The following MINDY3 variants were observed in gnomAD, a reference collection of about 807,000 sequenced individuals.
The protein encoded by MINDY3 is MINDY lysine 48 deubiquitinase 3, also known as ubiquitin carboxyl-terminal hydrolase MINDY-3.
Under a neutral mutation model 69.2 loss-of-function variants are expected in MINDY3, and 38 were observed. That is an observed-to-expected ratio of 0.55 (90% confidence interval 0.42 to 0.72). The LOEUF is 0.72. MINDY3 is among the 30% of genes least tolerant of loss of function. The pLI is 0.00. For missense variants in MINDY3, 522 were observed against 519.0 expected (o/e 1.01, Z -0.06); for synonymous variants, 192 against 180.1 (o/e 1.07, Z -0.53).
chr10:15,834,133 A>G (rs754052595), intron 7 of MINDY3, among the ~76,000 whole-genome samples: 4 of 152,028 alleles, frequency 2.6e-5, no homozygotes, highest in Non-Finnish European at 5.9e-5. Flanking sequence ...TCACTGTTTC[A>G]TTGAGTTTTG....
intron 5 of MINDY3, chr10:15,837,519 T>C: frequency 6.2e-6 from 9 of 1,445,314 alleles, no homozygotes; most frequent in Non-Finnish European, 8.4e-6. Flanking sequence ...ATATGATATT[T>C]ATCATTAAGA....
intron 4 of MINDY3, 137 bp downstream of exon 4, chr10:15,841,288 AG>A (rs1429359026): frequency 1.5e-6 from 1 of 650,252 alleles, no homozygotes; most frequent in Non-Finnish European, 2.5e-6. Context: ...AAAAATAGTG[AG>A]GCTCAGTAAT....
intron 10 of MINDY3, among the ~76,000 whole-genome samples, chr10:15,816,278 A>T (rs1839357733): frequency 7.1e-6 from 1 of 141,174 alleles, no homozygotes; most frequent in East Asian, 1.9e-4. Context: ...AAAAAAAAAA[A>T]AATGAAAAAG....
intron 7 of MINDY3, among the ~76,000 whole-genome samples, chr10:15,834,154 C>A (rs779042012): frequency 6.6e-6 from 1 of 151,556 alleles, no homozygotes; most frequent in African/African-American, 2.4e-5. Flanking sequence ...GTAAAAATAG[C>A]CATAAAAAGC....
Position 15,778,932 on chromosome 10 carries a change from G to A in MINDY3, c.*60C>T. ...TTTAGCTTAATCCAGCCAATTGCCAGTCTTGACTCCTTCTTTCAACATCTG... is the reference window on the plus strand; with the variant it reads ...TTTAGCTTAATCCAGCCAATTGCCAATCTTGACTCCTTCTTTCAACATCTG... On this transcript the variant is annotated 3_prime_UTR_variant, in exon 15 of 15. Transcript: ENST00000277632. 1 of 1,505,624 alleles carries A rather than the reference G, an allele frequency of 6.6e-7. No homozygotes were observed. Among genetic ancestry groups the A allele is most frequent in the East Asian group, 2.4e-5 (1 of 42,446 alleles). The allele number at this position is 1,505,624 out of a possible 1,614,324, so 93.3% of individuals were successfully genotyped here. A position where few individuals can be genotyped will look rare whatever the true frequency, so the allele number is the denominator to read the frequency against.
chr10:15,786,537 A>C, intron 13 of MINDY3, 24 bp downstream of exon 13: 1 of 1,296,702 alleles, frequency 7.7e-7, no homozygotes, highest in South Asian at 1.2e-5. Context: ...AATAACAATG[A>C]ATATATTTCC....
intron 1 of MINDY3, among the ~76,000 whole-genome samples, chr10:15,850,494 G>A (rs1834204588): frequency 6.6e-6 from 1 of 152,080 alleles, no homozygotes; most frequent in Non-Finnish European, 1.5e-5. Flanking sequence ...TCTCAGGGGG[G>A]AGGTCTCTAA....
At chr10:15,782,656 T>C (rs1274804852) in intron 13 of MINDY3, among the ~76,000 whole-genome samples, 2 of 152,184 alleles carry the variant, frequency 1.3e-5, no homozygotes, top group Admixed American at 1.3e-4. Context: ...GTACCAATAC[T>C]TCCAATTTGG....
chr10:15,834,514 T>C, intron 7 of MINDY3, 29 bp downstream of exon 7: 2 of 1,510,928 alleles, frequency 1.3e-6, no homozygotes, highest in South Asian at 1.2e-5. Context: ...GGAGTTCACA[T>C]GAGGAGACAA....
chr10:15,827,091 T>C (rs1840131731), intron 8 of MINDY3, among the ~76,000 whole-genome samples: 1 of 145,462 alleles, frequency 6.9e-6, no homozygotes, highest in African/African-American at 2.6e-5. Flanking sequence ...CACTATGGCC[T>C]GGGTGACAGA....
chr10:15,821,459 T>C (rs1039984640), intron 9 of MINDY3, among the ~76,000 whole-genome samples, 197 bp downstream of exon 9: 1 of 152,136 alleles, frequency 6.6e-6, no homozygotes, highest in African/African-American at 2.4e-5. Flanking sequence ...AGACCTAGCA[T>C]AGGAAACTCA....
intron 14 of MINDY3, among the ~76,000 whole-genome samples, chr10:15,780,936 T>G (rs1033978596): frequency 6.6e-6 from 1 of 152,038 alleles, no homozygotes; most frequent in Non-Finnish European, 1.5e-5. Context: ...CCTGGGTGAG[T>G]CACTTGATCT....
chr10:15,850,332 G>A (rs7081355), intron 1 of MINDY3, among the ~76,000 whole-genome samples: 19,925 of 152,228 alleles, frequency 0.13, 3,061 homozygotes, highest in African/African-American at 0.37. Flanking sequence ...GATGGCTGCA[G>A]TGTTCAGGGA....
At chr10:15,816,260 C>CAAAAAAAA (rs1164005904) in intron 10 of MINDY3, among the ~76,000 whole-genome samples, 1 of 26,810 alleles carries the variant, frequency 3.7e-5, no homozygotes, top group Non-Finnish European at 8.2e-5. Context: ...GACTCCATCT[C>CAAAAAAAA]AAAAAAAAAA....
At chr10:15,791,994 G>T (rs1175532016) in intron 11 of MINDY3, among the ~76,000 whole-genome samples, 1 of 152,002 alleles carries the variant, frequency 6.6e-6, no homozygotes, top group Admixed American at 6.6e-5. Context: ...CTGGAAAAAG[G>T]TTTCTCAGAG....
intron 10 of MINDY3, among the ~76,000 whole-genome samples, chr10:15,799,825 A>G (rs565841154): frequency 3.3e-5 from 5 of 152,258 alleles, no homozygotes; most frequent in Admixed American, 6.5e-5. Flanking sequence ...AGTAGAATAC[A>G]TGGAGTTATC....
chr10:15,816,247 T>G (rs1487941281), intron 10 of MINDY3, among the ~76,000 whole-genome samples: 1 of 109,792 alleles, frequency 9.1e-6, no homozygotes, highest in Non-Finnish European at 1.7e-5. Context: ...GGCAACACAG[T>G]GAGACTCCAT....
chr10:15,786,148 G>A (rs1836940879), intron 13 of MINDY3, among the ~76,000 whole-genome samples: 1 of 152,210 alleles, frequency 6.6e-6, no homozygotes, highest in South Asian at 2.1e-4. Flanking sequence ...GACCCACTTA[G>A]GTTTTAATTC....
chr10:15,840,571 C>T lies in MINDY3; in HGVS notation c.409+855G>A, dbSNP rs867647740. On this transcript the variant is annotated intron_variant, in intron 4 of 14. Transcript: ENST00000277632. ...ATCCCATACAATTGAAGTGTACTTT[C>T]AGGTACGTAATCTCTTTACGAAAAC... Among the ~76,000 whole-genome samples the T allele has an allele frequency of 3.3e-5, 5 of 151,730 alleles. 1 individual carries two copies. The Middle Eastern group carries it at 0.014, about 413-fold the overall frequency.
Sources: allele counts gnomAD v4.1 joint callset (sites outside exome capture counted in the v4.1 genomes callset), GRCh38; gene constraint gnomAD v4.1.1; transcripts MANE v1.5; gene names NCBI Gene and HGNC (gene_info 2026-07-23, HGNC 2026-07-21).